CDH9: variants seen among roughly 807,000 people sequenced by gnomAD.
The protein encoded by CDH9 is cadherin 9.
Under a neutral mutation model 70.9 loss-of-function variants are expected in CDH9, and 28 were observed. The ratio of observed to expected loss-of-function variants is 0.40; its 90% CI spans 0.29 to 0.54. CDH9 has a LOEUF of 0.54. Ranked by LOEUF, CDH9 falls within the 20% of genes least tolerant of loss-of-function variation. The pLI is 0.59. For synonymous variants in CDH9, 409 were observed against 343.1 expected, an observed-to-expected ratio of 1.19 and a Z score of -2.12; for missense variants, 874 against 984.4, an observed-to-expected ratio of 0.89 and a Z score of 1.50.
At chr5:26,914,438 C>G (rs1741113910) in intron 3 of CDH9, among the ~76,000 whole-genome samples, 1 of 151,830 alleles carries the variant, frequency 6.6e-6, no homozygotes, top group Admixed American at 6.6e-5. Flanking sequence ...AAAAATATAA[C>G]AGGGAACATA....
At chr5:26,905,755 A>G (rs1294228131) in intron 5 of CDH9, among the ~76,000 whole-genome samples, 3 of 152,184 alleles carry the variant, frequency 2.0e-5, no homozygotes, top group African/African-American at 4.8e-5. Flanking sequence ...CTTCCACTAC[A>G]TACTCCAAAA....
chr5:26,936,322 A>G (rs1741558108), intron 2 of CDH9, among the ~76,000 whole-genome samples: 1 of 152,124 alleles, frequency 6.6e-6, no homozygotes, highest in South Asian at 2.1e-4. Context: ...AAAAGACAAA[A>G]TTATCTACAT....
intron 2 of CDH9, among the ~76,000 whole-genome samples, chr5:26,922,662 A>G (rs2112013739): frequency 6.6e-6 from 1 of 152,190 alleles, no homozygotes; most frequent in South Asian, 2.1e-4. Context: ...TACAAAACTC[A>G]CTAGCAATAG....
At chr5:26,990,538 A>AT (rs1742563432) in intron 1 of CDH9, among the ~76,000 whole-genome samples, 1 of 152,196 alleles carries the variant, frequency 6.6e-6, no homozygotes, top group South Asian at 2.1e-4. Context: ...AATAATTGGT[A>AT]AATTTGACCA....
chr5:26,907,018 G>A (rs1240279941), intron 3 of CDH9, among the ~76,000 whole-genome samples, 180 bp from the exon 4 acceptor site: 1 of 152,034 alleles, frequency 6.6e-6, no homozygotes, highest in Non-Finnish European at 1.5e-5. Flanking sequence ...ATAAACTGAA[G>A]TGTTTCTTAA....
Position 26,903,934 on chromosome 5 carries a change from T to A in CDH9, c.812-110A>T, listed in dbSNP as rs566087695. ...TAATTTTAAATAGGGAGAGTTTTTA[T>A]CATATTGAATTGTAAGCTGTCAAAA... On this transcript the variant is annotated intron_variant, in intron 5 of 11. Coordinates refer to ENST00000231021, the MANE Select transcript of CDH9 (RefSeq NM_016279.4). The A allele has an allele frequency of 1.2e-5, 7 of 604,204 alleles. No homozygotes were observed. The East Asian group carries it at 2.2e-4, about 19-fold the overall frequency. 37.4% of individuals were successfully genotyped at this position (604,204 alleles called of 1,614,324 possible).
chr5:27,002,271 C>G (rs966182826), intron 1 of CDH9, among the ~76,000 whole-genome samples: 8 of 152,274 alleles, frequency 5.3e-5, no homozygotes, highest in African/African-American at 1.9e-4. Flanking sequence ...CAGGAAACAA[C>G]AGGTGCTGGA....
intron 2 of CDH9, among the ~76,000 whole-genome samples, chr5:26,954,536 C>T (rs1397413395): frequency 6.6e-6 from 1 of 151,770 alleles, no homozygotes; most frequent in Non-Finnish European, 1.5e-5. Context: ...AGGTGCCCGC[C>T]ACTACACCCA....
At chr5:27,037,213 T>C (rs1194713396) in intron 1 of CDH9, among the ~76,000 whole-genome samples, 1 of 151,978 alleles carries the variant, frequency 6.6e-6, no homozygotes, top group Non-Finnish European at 1.5e-5. Flanking sequence ...GAAGATTCCC[T>C]TCTGTCTTGC....
At position 26,914,657 on chromosome 5, in the gene CDH9, A is replaced by G. The variant is rs958993251; in HGVS notation, c.523+973T>C. 2.0e-5 allele frequency among the ~76,000 whole-genome samples: 3 copies of G among 152,026 alleles called. No homozygotes were observed. In the South Asian group the frequency reaches 6.2e-4, roughly 31 times the overall value. ...GTTCTTCCTGCTAAATATCTCACAT[A>G]GTTAACATTTTACATTAAACATTCA... On this transcript the variant is annotated intron_variant, in intron 3 of 11. Transcript: ENST00000231021.
At chr5:26,988,042 T>C (rs971573467) in intron 2 of CDH9, 64 bp downstream of exon 2, 5 of 1,191,752 alleles carry the variant, frequency 4.2e-6, no homozygotes, top group Non-Finnish European at 6.0e-6. Context: ...AAAAGAAAAG[T>C]TGCTGGAAAA....
At position 27,011,545 on chromosome 5, in the gene CDH9, G is replaced by A. The variant is rs187270331; in HGVS notation, c.-49-23163C>T. On this transcript the variant is annotated intron_variant, in intron 1 of 11. Coordinates refer to ENST00000231021, the MANE Select transcript of CDH9 (RefSeq NM_016279.4). ...TATCAACACCTTGCTTTCAGATTTAGGCCTCCAGAACTGAGAGAGAACACA... is the reference window on the plus strand; with the variant it reads ...TATCAACACCTTGCTTTCAGATTTAAGCCTCCAGAACTGAGAGAGAACACA... Among the ~76,000 whole-genome samples the A allele has an allele frequency of 4.5e-3, 677 of 152,130 alleles. 3 individuals carry two copies. The highest frequency in any genetic ancestry group is 0.014 in the Middle Eastern group (4 of 294).
chr5:26,988,167 A>C lies in CDH9; in HGVS notation c.167T>G (p.Met56Arg). The C allele has an allele frequency of 6.2e-7, 1 of 1,613,472 alleles. No individual in the cohort carries two copies. The highest frequency in any genetic ancestry group is 2.2e-5 in the East Asian group (1 of 44,800). ...KMLRRTKRGW[M>R]WNQFFLLEEY... is the part of the protein sequence containing the mutation. The stretch of plus-strand genomic sequence containing the variant: ...TTCCAATAAGAAGAACTGATTCCAC[A>C]TCCAGCCACGCTTGGTGCGACGTAG... Residue 56 changes from methionine (M) to arginine (R), a missense_variant, in exon 2 of 12, where the codon ATG becomes AGG. By Grantham distance (91) the Met-to-Arg change is moderately conservative (BLOSUM62 -1). Coordinates refer to ENST00000231021, the MANE Select transcript of CDH9 (RefSeq NM_016279.4).
rs374692379 is a variant in CDH9 at position 26,985,945 on chromosome 5, GATAAAGAGAGAGTAAATGCCCTTA to G, written c.228+2137_228+2160del. Among the ~76,000 whole-genome samples, 119 of 152,108 alleles carry G rather than the reference GATAAAGAGAGAGTAAATGCCCTTA, an allele frequency of 7.8e-4. 2 individuals are homozygous for G. The highest frequency in any genetic ancestry group is 2.7e-3 in the African/African-American group (114 of 41,506). On this transcript the variant is annotated intron_variant, in intron 2 of 11. Transcript: ENST00000231021. ...GTGATGTCAAAAGCCAGAAAAGCAG[GATAAAGAGAGAGTAAATGCCCTTA>G]ATAAGTTAGTAAAAGCTAAGATGTG...
intron 1 of CDH9, among the ~76,000 whole-genome samples, chr5:27,027,791 A>T (rs1038321730): frequency 6.6e-6 from 1 of 151,994 alleles, no homozygotes; most frequent in East Asian, 1.9e-4. Context: ...GGAAGAGATC[A>T]TGGGTCTCCA....
intron 2 of CDH9, among the ~76,000 whole-genome samples, chr5:26,985,846 C>A (rs1742479199): frequency 2.0e-5 from 3 of 152,032 alleles, no homozygotes; most frequent in African/African-American, 4.8e-5. Flanking sequence ...GAAGTTAAAT[C>A]CTTATCAGAA....
intron 2 of CDH9, among the ~76,000 whole-genome samples, chr5:26,926,281 A>T (rs1267042059): frequency 1.1e-5 from 1 of 88,878 alleles, no homozygotes; most frequent in Non-Finnish European, 2.2e-5. Context: ...AATCACAAGC[A>T]TTCTTATACA....
At chr5:26,881,713 A>T in intron 11 of CDH9, 90 bp from the exon 12 acceptor site, 1 of 1,146,888 alleles carries the variant, frequency 8.7e-7, no homozygotes, top group South Asian at 1.5e-5. Flanking sequence ...TTGGTGCAGG[A>T]GATATTAAGA....
At chr5:26,983,029 A>C (rs936329927) in intron 2 of CDH9, among the ~76,000 whole-genome samples, 7 of 152,218 alleles carry the variant, frequency 4.6e-5, no homozygotes, top group Admixed American at 4.6e-4. Context: ...TTGAGGGATA[A>C]TTCTAGCTAG....
Sources: gnomAD v4.1 joint callset for allele counts (sites outside exome capture counted in the v4.1 genomes callset) on GRCh38, gnomAD v4.1.1 for gene constraint, MANE v1.5 for transcripts, NCBI Gene and HGNC (gene_info 2026-07-23, HGNC 2026-07-21) for gene names.